The following GALNTL6 variants were observed in gnomAD, a reference collection of about 807,000 sequenced individuals.
The protein encoded by GALNTL6 is polypeptide N-acetylgalactosaminyltransferase-like 6.
In GALNTL6, 46 loss-of-function variants were observed where a neutral mutation model predicts 73.7. That is an observed-to-expected ratio of 0.62 (90% CI 0.49 to 0.80). The LOEUF (loss-of-function observed/expected upper bound fraction) is 0.80, where lower values mean the gene tolerates loss of function less well. Ranked by LOEUF, GALNTL6 falls within the 30% of genes least tolerant of loss-of-function variation. The pLI, the probability that GALNTL6 is intolerant of heterozygous loss-of-function variation, is 0.00. For synonymous variants in GALNTL6, 259 were observed against 263.7 expected (o/e 0.98, Z 0.17); for missense variants, 604 against 755.0 (o/e 0.80, Z 2.34).
chr4:172,751,835 C>T (rs1160213076), intron 5 of GALNTL6, among the ~76,000 whole-genome samples: 1 of 152,184 alleles, frequency 6.6e-6, no homozygotes, highest in Non-Finnish European at 1.5e-5. Flanking sequence ...ACCAACTTTG[C>T]TAACGACTGT....
chr4:172,660,496 A>G (rs1204353003), intron 5 of GALNTL6, among the ~76,000 whole-genome samples: 1 of 152,224 alleles, frequency 6.6e-6, no homozygotes, highest in African/African-American at 2.4e-5. Context: ...CTCTGTCCTC[A>G]CTGAGGAAGT....
chr4:172,127,163 G>A (rs1733321069), intron 2 of GALNTL6, among the ~76,000 whole-genome samples: 2 of 152,178 alleles, frequency 1.3e-5, no homozygotes, highest in South Asian at 2.1e-4. Flanking sequence ...ATTCTGATGT[G>A]GGCCTGGAGA....
intron 5 of GALNTL6, among the ~76,000 whole-genome samples, chr4:172,567,045 T>C (rs1194869858): frequency 6.6e-6 from 1 of 152,056 alleles, no homozygotes; most frequent in Non-Finnish European, 1.5e-5. Flanking sequence ...AAAAAAGAAT[T>C]CTGTTGTAAT....
At chr4:171,860,701 G>A (rs1735809259) in intron 2 of GALNTL6, among the ~76,000 whole-genome samples, 1 of 152,140 alleles carries the variant, frequency 6.6e-6, no homozygotes, top group Non-Finnish European at 1.5e-5. Context: ...TGACCAATCA[G>A]TAAATTACTG....
rs550750243 is a variant in GALNTL6, at chr4:171,987,548, C to A, written c.138+172830C>A. 6.6e-5 allele frequency among the ~76,000 whole-genome samples: 10 copies of A among 152,272 alleles called. No individual in the cohort carries two copies. The East Asian group carries it at 1.2e-3, about 18-fold the overall frequency. On this transcript the variant is annotated intron_variant, in intron 2 of 12. Coordinates refer to ENST00000506823, the MANE Select transcript of GALNTL6 (RefSeq NM_001034845.3). Reference sequence around the variant, plus strand: ...GGCATGTTGAGTAAAGCCAATTTGCCAGTCCTGGGCGGGGGCAAATCCCCG... The same window carrying A: ...GGCATGTTGAGTAAAGCCAATTTGCAAGTCCTGGGCGGGGGCAAATCCCCG...
chr4:172,885,187 C>A (rs1402980038), intron 8 of GALNTL6, among the ~76,000 whole-genome samples: 1 of 152,062 alleles, frequency 6.6e-6, no homozygotes, highest in Non-Finnish European at 1.5e-5. Context: ...ACATGGATTA[C>A]ATTAATTATT....
chr4:172,529,857 T>TTCTTA (rs1561124262), intron 5 of GALNTL6, among the ~76,000 whole-genome samples: 17 of 137,114 alleles, frequency 1.2e-4, no homozygotes, highest in Non-Finnish European at 2.3e-4. Context: ...GGCTAATTTA[T>TTCTTA]TTTTATTTTA....
chr4:172,455,548 T>C (rs978179007), intron 5 of GALNTL6, among the ~76,000 whole-genome samples: 1 of 152,090 alleles, frequency 6.6e-6, no homozygotes, highest in African/African-American at 2.4e-5. Context: ...TTACTGAGGC[T>C]TGAGTAGGTG....
intron 7 of GALNTL6, among the ~76,000 whole-genome samples, chr4:172,816,097 A>G (rs948783130): frequency 2.0e-5 from 3 of 152,218 alleles, no homozygotes; most frequent in African/African-American, 7.2e-5. Flanking sequence ...CTATCTATAC[A>G]GCTTTCTTAT....
chr4:172,990,551 A>G (rs1751493321), intron 10 of GALNTL6, among the ~76,000 whole-genome samples: 2 of 151,834 alleles, frequency 1.3e-5, no homozygotes, highest in African/African-American at 4.9e-5. Flanking sequence ...TCAGCTGTCT[A>G]CAAGAGTCCT....
intron 2 of GALNTL6, among the ~76,000 whole-genome samples, chr4:172,173,202 T>C (rs139987087): frequency 6.6e-6 from 1 of 152,338 alleles, no homozygotes; most frequent in Non-Finnish European, 1.5e-5. Context: ...CAGCACATTA[T>C]CGGGGCAACA....
chr4:172,358,857 C>CAAAAAAAAAAAAAAAAA (rs56119441), intron 5 of GALNTL6, among the ~76,000 whole-genome samples: 1 of 85,554 alleles, frequency 1.2e-5, no homozygotes, highest in African/African-American at 4.7e-5. Context: ...ATTAAAAAGT[C>CAAAAAAAAAAAAAAAAA]AAAAAAAAAA....
At chr4:172,017,325 G>A (rs1179022826) in intron 2 of GALNTL6, among the ~76,000 whole-genome samples, 1 of 152,108 alleles carries the variant, frequency 6.6e-6, no homozygotes, top group Non-Finnish European at 1.5e-5. Flanking sequence ...TCTTTTCATG[G>A]ACAGAAATGT....
At chr4:172,401,095 C>A (rs1245936679) in intron 5 of GALNTL6, among the ~76,000 whole-genome samples, 1 of 152,064 alleles carries the variant, frequency 6.6e-6, no homozygotes, top group Admixed American at 6.6e-5. Flanking sequence ...ATTCTCTTCT[C>A]CTTTTGCAAA....
At chr4:172,161,693 A>G (rs912684693) in intron 2 of GALNTL6, among the ~76,000 whole-genome samples, 1 of 152,036 alleles carries the variant, frequency 6.6e-6, no homozygotes, top group African/African-American at 2.4e-5. Context: ...TGGTAAAAGT[A>G]GGTAACACTG....
At chr4:172,674,443 G>C (rs1732163594) in intron 5 of GALNTL6, among the ~76,000 whole-genome samples, 1 of 152,002 alleles carries the variant, frequency 6.6e-6, no homozygotes, top group Non-Finnish European at 1.5e-5. Context: ...TATGTGTCTT[G>C]AGGGTGATTT....
At chr4:172,562,774 A>G (rs556015971) in intron 5 of GALNTL6, among the ~76,000 whole-genome samples, 7 of 152,312 alleles carry the variant, frequency 4.6e-5, no homozygotes, top group African/African-American at 1.7e-4. Flanking sequence ...AAACATTTTG[A>G]TATACTTCAA....
chr4:172,549,301 T>G (rs552850576), intron 5 of GALNTL6, among the ~76,000 whole-genome samples: 1 of 152,256 alleles, frequency 6.6e-6, no homozygotes, highest in South Asian at 2.1e-4. Flanking sequence ...ATAAATGATT[T>G]TTGTATCCTA....
At chr4:172,783,276 C>T (rs1016367602) in intron 5 of GALNTL6, among the ~76,000 whole-genome samples, 3 of 150,014 alleles carry the variant, frequency 2.0e-5, no homozygotes, top group South Asian at 2.1e-4. Context: ...AGCTTTACTA[C>T]TAAGAATCAG....
Sources: gnomAD v4.1 joint callset for allele counts (sites outside exome capture counted in the v4.1 genomes callset) on GRCh38, gnomAD v4.1.1 for gene constraint, MANE v1.5 for transcripts, NCBI Gene and HGNC (gene_info 2026-07-23, HGNC 2026-07-21) for gene names.